Variants in SGCZ observed in about 807,000 individuals in gnomAD.
The protein encoded by SGCZ is sarcoglycan zeta, also known as zeta-sarcoglycan.
In SGCZ, 40 loss-of-function variants were observed where a neutral mutation model predicts 41.3. That is an observed-to-expected ratio of 0.97 (90% CI 0.75 to 1.26). The LOEUF (loss-of-function observed/expected upper bound fraction) is 1.26. Among genes scored for constraint, SGCZ ranks in the 50% most tolerant of loss-of-function variants. The pLI is 0.00. For synonymous variants in SGCZ, 206 were observed against 137.5 expected, an observed-to-expected ratio of 1.50 and a Z score of -3.49; for missense variants, 552 against 369.8, an observed-to-expected ratio of 1.49 and a Z score of -4.04.
intron 1 of SGCZ, among the ~76,000 whole-genome samples, chr8:14,747,615 A>G (rs946014265): frequency 1.3e-5 from 2 of 151,652 alleles, no homozygotes; most frequent in African/African-American, 4.8e-5. Context: ...CATTAAAATG[A>G]CATATTCTGC....
chr8:14,928,799 A>T (rs1799840569), intron 1 of SGCZ, among the ~76,000 whole-genome samples: 1 of 152,002 alleles, frequency 6.6e-6, no homozygotes, highest in African/African-American at 2.4e-5. Context: ...TGCGTATGTA[A>T]TTTTTCTGGC....
At chr8:14,928,166 A>C (rs1467333128) in intron 1 of SGCZ, among the ~76,000 whole-genome samples, 2 of 152,190 alleles carry the variant, frequency 1.3e-5, no homozygotes, top group Non-Finnish European at 2.9e-5. Context: ...TCTTGCTCAG[A>C]TTATCTCTGA....
At chr8:15,135,955 G>T (rs768170781) in intron 1 of SGCZ, among the ~76,000 whole-genome samples, 24 of 152,194 alleles carry the variant, frequency 1.6e-4, no homozygotes, top group South Asian at 8.3e-4. Flanking sequence ...AAATTAAGGA[G>T]ATTATGCAGA....
In SGCZ at chr8:14,442,623, C is replaced by T. The variant is rs143317317; in HGVS notation, c.234+112109G>A. Among the ~76,000 whole-genome samples the T allele has an allele frequency of 7.0e-4, 107 of 152,108 alleles. 2 individuals carry two copies. Among genetic ancestry groups the T allele is most frequent in the African/African-American group, 2.3e-3 (96 of 41,508 alleles). ...TTTTGTTCAAATTATGCTAATGGTCCCTTATATAGAGTTGATACTTTCTGC... is the reference window on the plus strand; with the variant it reads ...TTTTGTTCAAATTATGCTAATGGTCTCTTATATAGAGTTGATACTTTCTGC... On this transcript the variant is annotated intron_variant, in intron 2 of 7. Transcript: ENST00000382080.
intron 2 of SGCZ, among the ~76,000 whole-genome samples, chr8:14,490,539 T>C (rs1801813036): frequency 6.6e-6 from 1 of 152,194 alleles, no homozygotes; most frequent in Admixed American, 6.5e-5. Flanking sequence ...TTGCTCTTTG[T>C]CTCTCGTCTC....
chr8:14,903,462 G>T (rs1446133710), intron 1 of SGCZ, among the ~76,000 whole-genome samples: 1 of 152,030 alleles, frequency 6.6e-6, no homozygotes, highest in African/African-American at 2.4e-5. Flanking sequence ...AACAAAAAAA[G>T]TAAATGCAAA....
chr8:14,316,178 C>G (rs752075950), intron 3 of SGCZ, among the ~76,000 whole-genome samples: 1 of 151,288 alleles, frequency 6.6e-6, no homozygotes, highest in Non-Finnish European at 1.5e-5. Context: ...TAAAGTCTCT[C>G]AATGAATAGA....
chr8:15,063,540 C>T (rs1192618305), intron 1 of SGCZ, among the ~76,000 whole-genome samples: 3 of 152,104 alleles, frequency 2.0e-5, no homozygotes, highest in African/African-American at 4.8e-5. Context: ...CCTTTATGAC[C>T]ACCAATGATT....
intron 1 of SGCZ, among the ~76,000 whole-genome samples, chr8:14,992,776 A>C (rs1563417815): frequency 4.6e-5 from 4 of 87,212 alleles, no homozygotes; most frequent in African/African-American, 4.6e-5. Flanking sequence ...CATCCTCCTC[A>C]TTCAATCTAC....
At chr8:14,146,803 C>T (rs1179082585) in intron 5 of SGCZ, among the ~76,000 whole-genome samples, 2 of 142,002 alleles carry the variant, frequency 1.4e-5, no homozygotes, top group Non-Finnish European at 3.1e-5. Flanking sequence ...ACCCGGGAGG[C>T]GGAGCTTGCA....
chr8:14,279,193 G>T (rs550194864), intron 3 of SGCZ, among the ~76,000 whole-genome samples: 1 of 152,028 alleles, frequency 6.6e-6, no homozygotes, highest in African/African-American at 2.4e-5. Flanking sequence ...GGAGCAAGGG[G>T]GGAAAGGGGA....
chr8:14,171,865 A>T (rs928269337), intron 4 of SGCZ, among the ~76,000 whole-genome samples: 1 of 152,154 alleles, frequency 6.6e-6, no homozygotes, highest in African/African-American at 2.4e-5. Flanking sequence ...TAGTGGAAAC[A>T]TGCTTTTAGT....
At chr8:14,353,263 C>G (rs1803166718) in intron 2 of SGCZ, among the ~76,000 whole-genome samples, 1 of 152,042 alleles carries the variant, frequency 6.6e-6, no homozygotes, top group African/African-American at 2.4e-5. Context: ...GAAACTAACA[C>G]AAAAATATTA....
intron 1 of SGCZ, among the ~76,000 whole-genome samples, chr8:14,690,811 A>T (rs1347984116): frequency 6.6e-6 from 1 of 152,178 alleles, no homozygotes; most frequent in East Asian, 1.9e-4. Flanking sequence ...TGTATTTGCT[A>T]CTTTAGAAAA....
At chr8:14,943,186 A>G (rs900150879) in intron 1 of SGCZ, among the ~76,000 whole-genome samples, 3 of 152,194 alleles carry the variant, frequency 2.0e-5, no homozygotes, top group African/African-American at 7.2e-5. Context: ...GTGTGAGCAA[A>G]GGATCCATTT....
chr8:15,083,551 A>G (rs1279178344), intron 1 of SGCZ, among the ~76,000 whole-genome samples: 4 of 152,092 alleles, frequency 2.6e-5, no homozygotes, highest in Non-Finnish European at 5.9e-5. Context: ...AATTAATTCA[A>G]TGTTGTTATT....
intron 1 of SGCZ, among the ~76,000 whole-genome samples, chr8:14,624,338 C>G (rs1164008093): frequency 6.6e-6 from 1 of 151,866 alleles, no homozygotes; most frequent in Non-Finnish European, 1.5e-5. Flanking sequence ...GTTTCCTCGG[C>G]CAACTTAGTT....
At chr8:14,734,479 A>C (rs1248772484) in intron 1 of SGCZ, among the ~76,000 whole-genome samples, 2 of 152,190 alleles carry the variant, frequency 1.3e-5, no homozygotes, top group African/African-American at 4.8e-5. Flanking sequence ...ACCTTCAAAG[A>C]AGCACCGTAA....
At chr8:14,242,186 G>C (rs550752198) in intron 3 of SGCZ, among the ~76,000 whole-genome samples, 1 of 152,280 alleles carries the variant, frequency 6.6e-6, no homozygotes, top group South Asian at 2.1e-4. Flanking sequence ...GAGAAGATAT[G>C]GGTGTTTCAG....
Sources: gnomAD v4.1 joint callset for allele counts (sites outside exome capture counted in the v4.1 genomes callset) on GRCh38, gnomAD v4.1.1 for gene constraint, MANE v1.5 for transcripts, NCBI Gene and HGNC (gene_info 2026-07-23, HGNC 2026-07-21) for gene names.